METTL22: variants seen among roughly 807,000 people sequenced by gnomAD.
METTL22 encodes the protein methyltransferase 22, Kin17 lysine, also known as methyltransferase-like protein 22.
A neutral mutation model predicts 48.4 loss-of-function variants in METTL22; 51 were observed. The ratio of observed to expected loss-of-function variants is 1.05; its 90% CI spans 0.84 to 1.33. METTL22 has a LOEUF of 1.33. Among genes scored for constraint, METTL22 ranks in the 40% most tolerant of loss-of-function variants. The pLI is 0.00. For synonymous variants in METTL22, 255 were observed against 214.1 expected (o/e 1.19, Z -1.67); for missense variants, 678 against 526.9 (o/e 1.29, Z -2.81).
intron 1 of METTL22, among the ~76,000 whole-genome samples, chr16:8,624,307 CTG>C (rs947358810): frequency 9.2e-5 from 14 of 151,488 alleles, no homozygotes; most frequent in African/African-American, 3.1e-4. Context: ...TTTGCCATAT[CTG>C]TGTATCACCA....
chr16:8,623,272 C>G lies in METTL22; in HGVS notation c.-171+1497C>G, dbSNP rs545380609. On this transcript the variant is annotated intron_variant, in intron 1 of 10. Coordinates refer to ENST00000381920, the MANE Select transcript of METTL22 (RefSeq NM_024109.4). ...GTTGTAGTGAGCCGAGATGGCACCA[C>G]TGCACTCTAGCCTGGGCAACAGAGT... Among the ~76,000 whole-genome samples, 127 of 151,064 alleles carry G rather than the reference C, an allele frequency of 8.4e-4. 1 individual carries two copies. Among genetic ancestry groups the G allele is most frequent in the African/African-American group, 3.0e-3 (124 of 40,986 alleles).
intron 3 of METTL22, among the ~76,000 whole-genome samples, chr16:8,634,252 C>A (rs1168721103): frequency 6.6e-6 from 1 of 152,192 alleles, no homozygotes; most frequent in African/African-American, 2.4e-5. Flanking sequence ...CAGTCGATTT[C>A]TTTCCTGGTT....
At chr16:8,657,745 G>A in the METTL22 span, among the ~76,000 whole-genome samples, 1 of 151,984 alleles carries the variant, frequency 6.6e-6, no homozygotes, top group Non-Finnish European at 1.5e-5. Flanking sequence ...TTAAGTTAAG[G>A]GTCTTGACAG....
intron 1 of METTL22, among the ~76,000 whole-genome samples, chr16:8,622,843 C>A (rs1283683552): frequency 6.6e-6 from 1 of 152,106 alleles, no homozygotes; most frequent in Non-Finnish European, 1.5e-5. Context: ...TACATTGCAG[C>A]GTACATTTCT....
intron 10 of METTL22, chr16:8,644,986 C>G (rs1454377309): frequency 3.1e-6 from 1 of 320,476 alleles, no homozygotes. Flanking sequence ...CCCCGTTGGA[C>G]AGTTCAGACT....
chr16:8,641,345 T>G (rs1596361255), intron 7 of METTL22, 161 bp downstream of exon 7: 2 of 724,430 alleles, frequency 2.8e-6, no homozygotes, highest in African/African-American at 3.5e-5. Context: ...GAGCACCAGC[T>G]GTCATTCTCT....
At chr16:8,649,988 A>G (rs1285196269), downstream of METTL22, among the ~76,000 whole-genome samples, 1 of 152,150 alleles carries the variant, frequency 6.6e-6, no homozygotes, top group Non-Finnish European at 1.5e-5. Context: ...TCTGTGGGCC[A>G]CACTGTGAGG....
intron 1 of METTL22, among the ~76,000 whole-genome samples, chr16:8,624,927 G>T (rs1283281113): frequency 6.6e-6 from 1 of 151,940 alleles, no homozygotes; most frequent in East Asian, 1.9e-4. Flanking sequence ...AATGATGTGG[G>T]GACAGTTGAT....
intron 7 of METTL22, chr16:8,641,546 A>G: frequency 2.0e-6 from 1 of 498,078 alleles, no homozygotes; most frequent in Non-Finnish European, 3.9e-6. Flanking sequence ...CCCAACAAAC[A>G]GTGGTGCCAG....
intron 3 of METTL22, chr16:8,632,041 A>G (rs1022258498): frequency 6.6e-6 from 1 of 152,258 alleles, no homozygotes. Flanking sequence ...TTCGAACACT[A>G]GCAAGTGCCT....
chr16:8,635,245 G>A lies in METTL22; in HGVS notation c.633G>A (p.Glu211=), dbSNP rs374940783. The change falls in exon 5 of 11, where the codon GAG becomes GAA. Residue 211 remains glutamate, a synonymous_variant. Coordinates refer to ENST00000381920, the MANE Select transcript of METTL22 (RefSeq NM_024109.4). ...QDLFRGCTAL[E]LGAGTGLASI... The stretch of plus-strand genomic sequence containing the variant: ...TCTTCCGAGGATGTACAGCGCTGGA[G>A]CTCGGGGCCGGCACGGGGCTCGCTA... 5.0e-6 allele frequency: 8 copies of A among 1,609,716 alleles called. No individual in the cohort carries two copies. The highest frequency in any genetic ancestry group is 1.7e-5 in the Admixed American group (1 of 59,886).
At chr16:8,661,757 G>C in the METTL22 span, among the ~76,000 whole-genome samples, 1 of 142,532 alleles carries the variant, frequency 7.0e-6, no homozygotes, top group East Asian at 2.0e-4. Flanking sequence ...TATTTTTGTA[G>C]AGACAGGGTC....
the METTL22 span, among the ~76,000 whole-genome samples, chr16:8,657,820 C>CTTTTTTTTTTTTTTTTTTTTTTTT: frequency 1.7e-4 from 23 of 137,320 alleles, no homozygotes; most frequent in South Asian, 4.7e-4. Flanking sequence ...CTTTTCTTTT[C>CTTTTTTTTTTTTTTTTTTTTTTTT]TTTCTTTTTT....
At chr16:8,653,857 A>G (rs1449782191), downstream of METTL22, among the ~76,000 whole-genome samples, 2 of 152,154 alleles carry the variant, frequency 1.3e-5, no homozygotes, top group African/African-American at 2.4e-5. Flanking sequence ...CATCTCCTAT[A>G]TCTAAACACC....
chr16:8,657,944 G>C, the METTL22 span, among the ~76,000 whole-genome samples: 1 of 152,072 alleles, frequency 6.6e-6, no homozygotes, highest in Admixed American at 6.5e-5. Flanking sequence ...AGTCTCCTGA[G>C]TAGCTGGGAT....
chr16:8,664,260 T>C, the METTL22 span, among the ~76,000 whole-genome samples: 1 of 152,084 alleles, frequency 6.6e-6, no homozygotes, highest in African/African-American at 2.4e-5. Context: ...AAGCATTTTC[T>C]ATTTCTTTGC....
chr16:8,634,243 A>G (rs2056355191), intron 3 of METTL22, among the ~76,000 whole-genome samples: 1 of 152,212 alleles, frequency 6.6e-6, no homozygotes, highest in African/African-American at 2.4e-5. Context: ...GACCCTACAC[A>G]GTCGATTTCT....
intron 1 of METTL22, among the ~76,000 whole-genome samples, chr16:8,622,289 TGAG>T (rs560512715): frequency 3.6e-4 from 55 of 152,256 alleles, no homozygotes; most frequent in African/African-American, 1.2e-3. Context: ...GAAAGAAAGA[TGAG>T]GAGGGAAGTT....
the METTL22 span, among the ~76,000 whole-genome samples, chr16:8,658,300 G>C: frequency 0.015 from 2,299 of 152,326 alleles, 55 homozygotes; most frequent in African/African-American, 0.052. Context: ...CTGACACCTT[G>C]ATTGCGGACT....
Sources: gnomAD v4.1 joint callset for allele counts (sites outside exome capture counted in the v4.1 genomes callset) on GRCh38, gnomAD v4.1.1 for gene constraint, MANE v1.5 for transcripts, NCBI Gene and HGNC (gene_info 2026-07-23, HGNC 2026-07-21) for gene names.